Variants in HNF4A observed in about 807,000 individuals in gnomAD.
The protein encoded by HNF4A is hepatocyte nuclear factor 4 alpha, also known as hepatocyte nuclear factor 4-alpha.
HNF4A carries 15 observed loss-of-function variants against 52.4 expected under a neutral mutation model. The observed-to-expected ratio is 0.29, with a 90% CI of 0.19 to 0.44. HNF4A has a LOEUF of 0.44. Ranked by LOEUF, HNF4A falls within the 20% of genes least tolerant of loss-of-function variation. HNF4A has a pLI of 1.00. For missense variants in HNF4A, 479 were observed against 647.2 expected, an observed-to-expected ratio of 0.74 and a Z score of 2.82; for synonymous variants, 280 against 264.4, an observed-to-expected ratio of 1.06 and a Z score of -0.57.
chr20:44,406,363 TTGTAAAAGA>T, intron 2 of HNF4A, 131 bp downstream of exon 2: 1 of 765,602 alleles, frequency 1.3e-6, no homozygotes. Flanking sequence ...TCTTCTGGTT[TTGTAAAAGA>T]CTTTGTGAAT....
chr20:44,376,931 G>T (rs1427800160), intron 1 of HNF4A, among the ~76,000 whole-genome samples: 1 of 152,054 alleles, frequency 6.6e-6, no homozygotes, highest in East Asian at 1.9e-4. Context: ...GCTGGGTGCA[G>T]TGGCTCACCT....
chr20:44,360,453 A>C (rs2146150310), intron 1 of HNF4A, among the ~76,000 whole-genome samples: 1 of 152,202 alleles, frequency 6.6e-6, no homozygotes, highest in African/African-American at 2.4e-5. Context: ...AGATGGATGG[A>C]AAGATATGTA....
At chr20:44,396,540 G>A (rs1305854804), upstream of HNF4A, among the ~76,000 whole-genome samples, 1 of 152,080 alleles carries the variant, frequency 6.6e-6, no homozygotes, top group Non-Finnish European at 1.5e-5. Context: ...TTGAGCTGGG[G>A]CCCGACAGCA....
upstream of HNF4A, among the ~76,000 whole-genome samples, chr20:44,399,418 C>T (rs969441584): frequency 6.6e-6 from 1 of 152,128 alleles, no homozygotes; most frequent in African/African-American, 2.4e-5. Flanking sequence ...CCTCTCTTGT[C>T]CTCCACAACA....
At chr20:44,408,491 G>A (rs180773109) in intron 3 of HNF4A, among the ~76,000 whole-genome samples, 33 of 152,258 alleles carry the variant, frequency 2.2e-4, no homozygotes, top group African/African-American at 5.5e-4. Context: ...TTGGGAGGCC[G>A]AGGCAGGCAA....
At chr20:44,370,218 G>A (rs2063019533) in intron 1 of HNF4A, among the ~76,000 whole-genome samples, 1 of 152,110 alleles carries the variant, frequency 6.6e-6, no homozygotes, top group African/African-American at 2.4e-5. Flanking sequence ...TAGTAGAGAC[G>A]GGGTTTCACC....
At position 44,424,123 on chromosome 20, in the gene HNF4A, G is replaced by A. The variant is rs1375557127; in HGVS notation, c.998G>A (p.Arg333His). 5 of 1,613,468 alleles carry A rather than the reference G, an allele frequency of 3.1e-6. No homozygotes were observed. Among genetic ancestry groups the A allele is most frequent in the Admixed American group, 3.3e-5 (2 of 59,972 alleles). ...GACCGCCAGTATGACTCGCGTGGCC[G>A]CTTTGGAGAGCTGCTGCTGCTGCTG... is the stretch of plus-strand genomic sequence containing the variant. Residue 333 changes from arginine to histidine, a missense_variant, in exon 8 of 10, where the codon CGC becomes CAC. Physicochemically the swap from Arg to His is conservative, Grantham distance 29. Around this residue, in one of 3 missense-constraint regions of HNF4A, gnomAD observed 389 missense variants for 525.1 expected, o/e 0.74. Transcript: ENST00000316099.
At position 44,362,262 on chromosome 20, in the gene HNF4A, A is replaced by T. The variant is rs77978916; in HGVS notation, c.49+6409A>T. On this transcript the variant is annotated intron_variant, in intron 1 of 9. Transcript: ENST00000316673. ...TGGTGAAACCCTGTCTCTACTAAGCATACAAAAATTAGCTGGACGTGGTGC... is the reference window on the plus strand; with the variant it reads ...TGGTGAAACCCTGTCTCTACTAAGCTTACAAAAATTAGCTGGACGTGGTGC... Among the ~76,000 whole-genome samples the T allele has an allele frequency of 6.7e-3, 1,018 of 152,006 alleles. 9 individuals carry two copies. The highest frequency in any genetic ancestry group is 0.023 in the African/African-American group (969 of 41,418).
chr20:44,409,053 T>C (rs529367999), intron 3 of HNF4A, among the ~76,000 whole-genome samples: 2 of 152,078 alleles, frequency 1.3e-5, no homozygotes, highest in South Asian at 2.1e-4. Context: ...CTTGGAAATA[T>C]CTTCTATGTC....
At chr20:44,379,945 G>A (rs1446967333) in intron 1 of HNF4A, among the ~76,000 whole-genome samples, 2 of 152,062 alleles carry the variant, frequency 1.3e-5, no homozygotes, top group African/African-American at 4.8e-5. Context: ...TGCTGGCCAG[G>A]CTGGTCTTGA....
chr20:44,410,225 C>A (rs1389853062), intron 3 of HNF4A, among the ~76,000 whole-genome samples: 4 of 152,256 alleles, frequency 2.6e-5, no homozygotes, highest in African/African-American at 9.6e-5. Flanking sequence ...AGCCTTAGCT[C>A]AGCCTTGAAA....
chr20:44,412,551 T>A (rs1259291193), intron 3 of HNF4A, among the ~76,000 whole-genome samples: 4 of 151,632 alleles, frequency 2.6e-5, no homozygotes, highest in Non-Finnish European at 5.9e-5. Flanking sequence ...GGAAGGGCCC[T>A]GGGGACTTGT....
At chr20:44,355,713 C>T (rs1026912619) in exon 1 of HNF4A, 2 of 1,163,552 alleles carry the variant, frequency 1.7e-6, no homozygotes, top group African/African-American at 1.5e-5. Context: ...TCACCGCCTT[C>T]CTGGTGGACG....
chr20:44,370,046 C>A (rs888461487), intron 1 of HNF4A, among the ~76,000 whole-genome samples: 3 of 151,326 alleles, frequency 2.0e-5, no homozygotes, highest in Non-Finnish European at 4.4e-5. Flanking sequence ...GTTTGTTTTG[C>A]GACGGAGTCT....
At chr20:44,398,340 C>T (rs891433166), upstream of HNF4A, among the ~76,000 whole-genome samples, 2 of 152,252 alleles carry the variant, frequency 1.3e-5, no homozygotes, top group Non-Finnish European at 2.9e-5. Flanking sequence ...GACACGTCTC[C>T]AGTTACTTTG....
chr20:44,376,913 C>CT (rs1360761640), intron 1 of HNF4A, among the ~76,000 whole-genome samples: 3 of 152,182 alleles, frequency 2.0e-5, no homozygotes, highest in African/African-American at 7.2e-5. Flanking sequence ...ATTTAAAATG[C>CT]TGTGTAGGCT....
intron 1 of HNF4A, among the ~76,000 whole-genome samples, chr20:44,358,072 C>A (rs562865881): frequency 7.5e-5 from 11 of 147,618 alleles, no homozygotes; most frequent in African/African-American, 2.8e-4. Context: ...GCTGAAAGAC[C>A]CTGATTTGAT....
intron 3 of HNF4A, among the ~76,000 whole-genome samples, chr20:44,412,620 T>A (rs1370918904): frequency 1.3e-5 from 2 of 152,016 alleles, no homozygotes; most frequent in Admixed American, 6.5e-5. Context: ...GATCCCTCTG[T>A]CTCTGAGAGG....
intron 1 of HNF4A, among the ~76,000 whole-genome samples, chr20:44,392,771 C>T (rs968130534): frequency 6.6e-6 from 1 of 152,162 alleles, no homozygotes; most frequent in East Asian, 1.9e-4. Flanking sequence ...TGCCCAAGGA[C>T]ACACAGTGGC....
Sources: allele counts gnomAD v4.1 joint callset (sites outside exome capture counted in the v4.1 genomes callset), GRCh38; gene constraint gnomAD v4.1.1; regional missense constraint gnomAD v4.1.1; transcripts MANE v1.5; gene names NCBI Gene and HGNC (gene_info 2026-07-23, HGNC 2026-07-21).